Variants in KCND2 observed in about 807,000 individuals in gnomAD.
The protein encoded by KCND2 is potassium voltage-gated channel subfamily D member 2.
A neutral mutation model predicts 54.4 loss-of-function variants in KCND2; 16 were observed. The ratio of observed to expected loss-of-function variants is 0.29; its 90% CI spans 0.20 to 0.45. The LOEUF (loss-of-function observed/expected upper bound fraction) is 0.45. KCND2 is among the 20% of genes least tolerant of loss of function. KCND2 has a pLI of 1.00. For missense variants in KCND2, 486 were observed against 824.2 expected (o/e 0.59, Z 5.02); for synonymous variants, 317 against 310.7 (o/e 1.02, Z -0.21).
chr7:120,744,447 C>A (rs1044700645), intron 4 of KCND2, among the ~76,000 whole-genome samples: 1 of 151,906 alleles, frequency 6.6e-6, no homozygotes. Flanking sequence ...ACTGATGAGA[C>A]AAATTAGAAT....
intron 1 of KCND2, among the ~76,000 whole-genome samples, chr7:120,590,799 AG>A (rs1212054423): frequency 6.6e-6 from 1 of 152,108 alleles, no homozygotes; most frequent in Non-Finnish European, 1.5e-5. Flanking sequence ...ATCACACTTT[AG>A]TGCTATGGAT....
intron 1 of KCND2, among the ~76,000 whole-genome samples, chr7:120,512,811 T>C (rs550721324): frequency 4.6e-5 from 7 of 150,908 alleles, no homozygotes; most frequent in African/African-American, 1.5e-4. Context: ...CTTTTTTTTT[T>C]TTTTTGGAGA....
intron 1 of KCND2, among the ~76,000 whole-genome samples, chr7:120,488,360 G>A (rs1802724208): frequency 1.3e-5 from 2 of 152,034 alleles, no homozygotes; most frequent in South Asian, 2.1e-4. Context: ...AATGACATTT[G>A]GTGATATAAA....
At chr7:120,276,880 T>G (rs969215917) in intron 1 of KCND2, among the ~76,000 whole-genome samples, 4 of 152,094 alleles carry the variant, frequency 2.6e-5, no homozygotes, top group African/African-American at 7.2e-5. Flanking sequence ...TGAGTGCCTT[T>G]TCTTCAGCTT....
chr7:120,524,061 C>A (rs1425310625), intron 1 of KCND2, among the ~76,000 whole-genome samples: 1 of 151,692 alleles, frequency 6.6e-6, no homozygotes, highest in Non-Finnish European at 1.5e-5. Context: ...CATGGTGAAA[C>A]CCCATCTCTC....
chr7:120,514,378 G>C (rs1803165415), intron 1 of KCND2, among the ~76,000 whole-genome samples: 1 of 152,006 alleles, frequency 6.6e-6, no homozygotes, highest in African/African-American at 2.4e-5. Context: ...TCATCGTTCA[G>C]GTTTCTCGAA....
intron 1 of KCND2, among the ~76,000 whole-genome samples, chr7:120,390,368 A>G (rs1235140547): frequency 6.6e-6 from 1 of 151,978 alleles, no homozygotes; most frequent in African/African-American, 2.4e-5. Flanking sequence ...GGTGATTTCC[A>G]TCATTTACGG....
chr7:120,729,209 A>G (rs1456401945), intron 1 of KCND2, among the ~76,000 whole-genome samples: 1 of 152,202 alleles, frequency 6.6e-6, no homozygotes, highest in East Asian at 1.9e-4. Flanking sequence ...TTGCAGATAA[A>G]AATTACCCAT....
rs111263568 is a variant in KCND2 at position 120,411,300 on chromosome 7, A to AT, written c.1115+135563dup. ...TATATAGACCCCATGAGGAAATGTCATTTTTTTTTTCATTTTTACTTTGTT... is the reference window on the plus strand; with the variant it reads ...TATATAGACCCCATGAGGAAATGTCATTTTTTTTTTTCATTTTTACTTTGTT... On this transcript the variant is annotated intron_variant, in intron 1 of 5. Transcript: ENST00000331113. Among the ~76,000 whole-genome samples, 422 of 147,574 alleles carry AT rather than the reference A, an allele frequency of 2.9e-3. 1 individual carries two copies. Among genetic ancestry groups the AT allele is most frequent in the Middle Eastern group, 7.0e-3 (2 of 286 alleles).
chr7:120,728,420 T>G (rs1451491979), intron 1 of KCND2, among the ~76,000 whole-genome samples: 1 of 151,682 alleles, frequency 6.6e-6, no homozygotes, highest in East Asian at 2.0e-4. Context: ...GCCTCCCAAG[T>G]AGCTGAGACT....
intron 1 of KCND2, among the ~76,000 whole-genome samples, chr7:120,720,450 G>C (rs1156811485): frequency 6.6e-6 from 1 of 152,108 alleles, no homozygotes; most frequent in Non-Finnish European, 1.5e-5. Context: ...CTGGGTTCCT[G>C]TTTGGTTATG....
chr7:120,592,844 A>G (rs1053578310), intron 1 of KCND2, among the ~76,000 whole-genome samples: 2 of 152,160 alleles, frequency 1.3e-5, no homozygotes, highest in Non-Finnish European at 2.9e-5. Context: ...TCACAGTGCT[A>G]CTCAAAATTT....
chr7:120,502,619 A>C (rs755167600), intron 1 of KCND2, among the ~76,000 whole-genome samples: 1 of 152,038 alleles, frequency 6.6e-6, no homozygotes, highest in Non-Finnish European at 1.5e-5. Flanking sequence ...TCTGTGGAAG[A>C]AGACTGCATG....
chr7:120,629,255 A>T lies in KCND2; in HGVS notation c.1116-103648A>T, dbSNP rs183223921. Among the ~76,000 whole-genome samples, 370 of 152,330 alleles carry T rather than the reference A, an allele frequency of 2.4e-3. 6 individuals carry two copies. The highest frequency in any genetic ancestry group is 0.012 in the Admixed American group (177 of 15,306). On this transcript the variant is annotated intron_variant, in intron 1 of 5. Transcript: ENST00000331113. Reference sequence around the variant, plus strand: ...GTAATCCCACCACTTTGGGAGGCCGAGGCAGGCGGATCACGAGGTCAGGAG... The same window carrying T: ...GTAATCCCACCACTTTGGGAGGCCGTGGCAGGCGGATCACGAGGTCAGGAG...
intron 1 of KCND2, among the ~76,000 whole-genome samples, chr7:120,415,082 T>A (rs559672586): frequency 2.6e-5 from 4 of 152,180 alleles, no homozygotes; most frequent in African/African-American, 4.8e-5. Context: ...ACAATAACAA[T>A]GTACATTAAA....
At chr7:120,700,624 A>G (rs1458860851) in intron 1 of KCND2, among the ~76,000 whole-genome samples, 1 of 152,220 alleles carries the variant, frequency 6.6e-6, no homozygotes, top group Admixed American at 6.5e-5. Context: ...AAATAGAAAA[A>G]TTTATTAAAG....
In KCND2 at chr7:120,290,105, T is replaced by TC. The variant is rs1252828420; in HGVS notation, c.1115+14363dup. Among the ~76,000 whole-genome samples the TC allele has an allele frequency of 3.3e-5, 5 of 152,162 alleles. No individual in the cohort carries two copies. The East Asian group carries it at 7.7e-4, about 24-fold the overall frequency. ...AGAGCTTCACACTTTAGTTAAAATCTCCCCCACAGATTTTTTAACAATGCC... is the reference window on the plus strand; with the variant it reads ...AGAGCTTCACACTTTAGTTAAAATCTCCCCCCACAGATTTTTTAACAATGCC... On this transcript the variant is annotated intron_variant, in intron 1 of 5. Coordinates refer to ENST00000331113, the MANE Select transcript of KCND2 (RefSeq NM_012281.3).
intron 1 of KCND2, among the ~76,000 whole-genome samples, chr7:120,589,703 T>A (rs1417908553): frequency 6.6e-6 from 1 of 152,244 alleles, no homozygotes; most frequent in Non-Finnish European, 1.5e-5. Context: ...CATACTTTTT[T>A]AAGTGAAGAA....
chr7:120,334,231 A>G (rs548278729), intron 1 of KCND2, among the ~76,000 whole-genome samples: 2 of 152,318 alleles, frequency 1.3e-5, no homozygotes, highest in South Asian at 2.1e-4. Flanking sequence ...AGAATATTCA[A>G]CTATCAAATA....
Sources: allele counts gnomAD v4.1 joint callset (sites outside exome capture counted in the v4.1 genomes callset), GRCh38; gene constraint gnomAD v4.1.1; transcripts MANE v1.5; gene names NCBI Gene and HGNC (gene_info 2026-07-23, HGNC 2026-07-21).